SLC25A26: variants seen among roughly 807,000 people sequenced by gnomAD.
SLC25A26 encodes the protein mitochondrial S-adenosylmethionine carrier protein.
SLC25A26 carries 36 observed loss-of-function variants against 37.8 expected under a neutral mutation model. That is an observed-to-expected ratio of 0.95 (90% CI 0.73 to 1.26). The LOEUF (loss-of-function observed/expected upper bound fraction) is 1.26. Ranked by LOEUF, SLC25A26 falls within the 50% of genes most tolerant of loss-of-function variation. SLC25A26 has a pLI of 0.00. For synonymous variants in SLC25A26, 129 were observed against 122.5 expected, an observed-to-expected ratio of 1.05 and a Z score of -0.35; for missense variants, 390 against 331.1, an observed-to-expected ratio of 1.18 and a Z score of -1.38.
intron 5 of SLC25A26, among the ~76,000 whole-genome samples, chr3:66,276,088 TTATC>T (rs1337939132): frequency 6.6e-6 from 1 of 152,148 alleles, no homozygotes; most frequent in Non-Finnish European, 1.5e-5. Context: ...ATTAAAATGT[TTATC>T]TGTGGGTTCG....
chr3:66,189,431 C>T (rs1035168386), intron 1 of SLC25A26, among the ~76,000 whole-genome samples: 3 of 151,986 alleles, frequency 2.0e-5, no homozygotes, highest in South Asian at 2.1e-4. Flanking sequence ...ATGACATTTA[C>T]GCTTAACCTC....
chr3:66,331,615 TTGTTA>T (rs1479283055), intron 5 of SLC25A26, among the ~76,000 whole-genome samples: 2 of 152,204 alleles, frequency 1.3e-5, no homozygotes, highest in Admixed American at 1.3e-4. Flanking sequence ...AACTTGCAGT[TTGTTA>T]TATCTGGTTT....
At chr3:66,134,491 A>G (rs969389522) in intron 1 of SLC25A26, among the ~76,000 whole-genome samples, 4 of 152,192 alleles carry the variant, frequency 2.6e-5, no homozygotes, top group African/African-American at 9.6e-5. Flanking sequence ...GAAAATGTTG[A>G]CAGACTTGCA....
At chr3:66,314,216 TC>T (rs1487972352) in intron 5 of SLC25A26, among the ~76,000 whole-genome samples, 1 of 152,214 alleles carries the variant, frequency 6.6e-6, no homozygotes, top group Non-Finnish European at 1.5e-5. Context: ...AGGGAATGCT[TC>T]CACCTTTTGC....
intron 1 of SLC25A26, among the ~76,000 whole-genome samples, chr3:66,190,765 T>G (rs2070926491): frequency 6.6e-6 from 1 of 152,206 alleles, no homozygotes. Context: ...GATTTTTTCT[T>G]TAATGCTAGT....
At chr3:66,256,421 TAATA>T (rs2073304035) in intron 3 of SLC25A26, among the ~76,000 whole-genome samples, 1 of 152,170 alleles carries the variant, frequency 6.6e-6, no homozygotes, top group South Asian at 2.1e-4. Flanking sequence ...CTTTGGTCCA[TAATA>T]AATACTTTTT....
chr3:66,198,605 A>C, intron 1 of SLC25A26, among the ~76,000 whole-genome samples: 1 of 149,538 alleles, frequency 6.7e-6, no homozygotes, highest in African/African-American at 2.5e-5. Flanking sequence ...TCACCCAGAC[A>C]CTCACCCTCA....
chr3:66,284,109 G>T (rs1383016911), intron 5 of SLC25A26, among the ~76,000 whole-genome samples: 1 of 152,190 alleles, frequency 6.6e-6, no homozygotes, highest in African/African-American at 2.4e-5. Flanking sequence ...CACTTTGGGA[G>T]GCTGAGGCAA....
At chr3:66,269,481 A>T (rs1385800946) in intron 5 of SLC25A26, among the ~76,000 whole-genome samples, 1 of 152,342 alleles carries the variant, frequency 6.6e-6, no homozygotes, top group Admixed American at 6.5e-5. Context: ...GAAAAACAGC[A>T]TATTGGTATA....
At chr3:66,154,446 G>T (rs2070250789) in intron 1 of SLC25A26, among the ~76,000 whole-genome samples, 1 of 151,956 alleles carries the variant, frequency 6.6e-6, no homozygotes, top group Non-Finnish European at 1.5e-5. Context: ...GCAATATTCT[G>T]TGGAGGAGGA....
At chr3:66,287,087 G>T (rs1354411762) in intron 5 of SLC25A26, among the ~76,000 whole-genome samples, 1 of 152,172 alleles carries the variant, frequency 6.6e-6, no homozygotes, top group Non-Finnish European at 1.5e-5. Context: ...ACGAGGTCAG[G>T]AGATTGAGAC....
rs2070703441 is a variant in SLC25A26, at chr3:66,181,403, A to G, written c.-353-39339A>G. On this transcript the variant is annotated intron_variant, in intron 1 of 10. Transcript: ENST00000676754. The stretch of plus-strand genomic sequence containing the variant: ...AACAATAACAGCTTATATCTGCAAG[A>G]TTGTTGTGAGGTTAAATACTTTAAT... 2.0e-5 allele frequency among the ~76,000 whole-genome samples: 3 copies of G among 152,256 alleles called. No homozygotes were observed. The South Asian group carries it at 6.2e-4, about 32-fold the overall frequency.
chr3:66,310,645 A>G (rs1352674932), intron 5 of SLC25A26, among the ~76,000 whole-genome samples: 3 of 152,144 alleles, frequency 2.0e-5, no homozygotes, highest in Non-Finnish European at 4.4e-5. Context: ...TTTCCTTTCC[A>G]TATTTAGCAC....
intron 1 of SLC25A26, among the ~76,000 whole-genome samples, chr3:66,168,184 T>TATATACAC (rs1190884385): frequency 1.8e-3 from 72 of 39,562 alleles, no homozygotes; most frequent in Middle Eastern, 0.012. Flanking sequence ...TATGTGTGTG[T>TATATACAC]GTATATATAT....
chr3:66,252,942 G>A (rs1238509002), intron 3 of SLC25A26, among the ~76,000 whole-genome samples: 2 of 151,018 alleles, frequency 1.3e-5, no homozygotes, highest in African/African-American at 4.9e-5. Flanking sequence ...TACTACTTGT[G>A]CAGTAAGGAT....
At chr3:66,356,325 C>T (rs1024551372) in intron 6 of SLC25A26, among the ~76,000 whole-genome samples, 17 of 151,970 alleles carry the variant, frequency 1.1e-4, no homozygotes, top group Non-Finnish European at 2.4e-4. Context: ...GGGTGGGGGT[C>T]GGGGAGCCAA....
intron 1 of SLC25A26, among the ~76,000 whole-genome samples, chr3:66,155,610 C>T (rs1027597795): frequency 5.3e-5 from 8 of 152,186 alleles, no homozygotes; most frequent in African/African-American, 1.9e-4. Flanking sequence ...AGGATTTTGT[C>T]ATTAGACATT....
At chr3:66,172,410 GAAAAAAAA>G (rs1199322248) in intron 1 of SLC25A26, among the ~76,000 whole-genome samples, 2 of 75,180 alleles carry the variant, frequency 2.7e-5, no homozygotes, top group Admixed American at 1.9e-4. Flanking sequence ...TACCTGTAAA[GAAAAAAAA>G]AAAAAAAAAA....
At chr3:66,358,545 A>G (rs745793445) in intron 6 of SLC25A26, among the ~76,000 whole-genome samples, 1 of 152,250 alleles carries the variant, frequency 6.6e-6, no homozygotes, top group African/African-American at 2.4e-5. Context: ...ACTATATCCT[A>G]TAGATCCAAA....
Sources: gnomAD v4.1 joint callset for allele counts (sites outside exome capture counted in the v4.1 genomes callset) on GRCh38, gnomAD v4.1.1 for gene constraint, MANE v1.5 for transcripts, NCBI Gene and HGNC (gene_info 2026-07-23, HGNC 2026-07-21) for gene names.